The following CTNNA3 variants were observed in gnomAD, a reference collection of about 807,000 sequenced individuals.
CTNNA3 encodes the protein catenin alpha 3.
A neutral mutation model predicts 95.7 loss-of-function variants in CTNNA3; 76 were observed. The ratio of observed to expected loss-of-function variants is 0.79; its 90% CI spans 0.66 to 0.96. The LOEUF (loss-of-function observed/expected upper bound fraction) is 0.96. CTNNA3 is among the 40% of genes least tolerant of loss of function. The pLI, the probability that CTNNA3 is intolerant of heterozygous loss-of-function variation, is 0.00. For synonymous variants in CTNNA3, 431 were observed against 374.4 expected, an observed-to-expected ratio of 1.15 and a Z score of -1.74; for missense variants, 1,191 against 1,089.8, an observed-to-expected ratio of 1.09 and a Z score of -1.31.
chr10:67,379,254 G>C (rs769946100), intron 5 of CTNNA3, among the ~76,000 whole-genome samples: 48 of 152,106 alleles, frequency 3.2e-4, no homozygotes, highest in Non-Finnish European at 6.2e-4. Flanking sequence ...ATAGAAGTAG[G>C]AGTCAGGATG....
At chr10:67,595,685 G>A (rs1265113740) in intron 3 of CTNNA3, among the ~76,000 whole-genome samples, 1 of 152,188 alleles carries the variant, frequency 6.6e-6, no homozygotes, top group African/African-American at 2.4e-5. Flanking sequence ...GAATATCTTT[G>A]TTAGTTTTCT....
rs1055795713 is a variant in CTNNA3, at chr10:66,082,196, T to C, written c.1978-12707A>G. 8.0e-5 allele frequency among the ~76,000 whole-genome samples: 12 copies of C among 150,892 alleles called. No homozygotes were observed. In the South Asian group the frequency reaches 1.3e-3, roughly 16 times the overall value. On this transcript the variant is annotated intron_variant, in intron 14 of 17. Transcript: ENST00000433211. ...CTACAAAGAAAAAAAAAAAACTTAGTTTTTCAGTGGAAAAAGCCAGCAACC... is the reference window on the plus strand; with the variant it reads ...CTACAAAGAAAAAAAAAAAACTTAGCTTTTCAGTGGAAAAAGCCAGCAACC...
chr10:66,707,582 T>C (rs530778264), intron 9 of CTNNA3, among the ~76,000 whole-genome samples: 1 of 152,064 alleles, frequency 6.6e-6, no homozygotes, highest in Admixed American at 6.6e-5. Context: ...TTCTAACATG[T>C]TGGGAGTGCC....
intron 13 of CTNNA3, among the ~76,000 whole-genome samples, chr10:66,176,158 A>G (rs2085700877): frequency 6.6e-6 from 1 of 152,200 alleles, no homozygotes; most frequent in Admixed American, 6.6e-5. Context: ...GTCTGTGTGC[A>G]TGTGTGCACA....
At chr10:66,237,052 C>T (rs774404919) in intron 13 of CTNNA3, among the ~76,000 whole-genome samples, 3 of 152,006 alleles carry the variant, frequency 2.0e-5, no homozygotes, top group Non-Finnish European at 2.9e-5. Context: ...TCACTTCAGC[C>T]CAGGAGTTCA....
chr10:66,605,738 C>A (rs1174478744), intron 10 of CTNNA3, among the ~76,000 whole-genome samples: 1 of 152,094 alleles, frequency 6.6e-6, no homozygotes, highest in Non-Finnish European at 1.5e-5. Flanking sequence ...AAATAAGATC[C>A]TTTTCACACA....
intron 5 of CTNNA3, among the ~76,000 whole-genome samples, chr10:67,335,890 T>TG (rs909631724): frequency 1.2e-3 from 184 of 149,238 alleles, no homozygotes; most frequent in Middle Eastern, 3.5e-3. Context: ...AATAGTGTTT[T>TG]TTTTTTTTTT....
chr10:66,562,001 A>G lies in CTNNA3; in HGVS notation c.1375-41228T>C, dbSNP rs188651597. On this transcript the variant is annotated intron_variant, in intron 10 of 17. Transcript: ENST00000433211. ...GATGGCTCAGAGAAGAGAGAAGATA[A>G]CAGGTGAGAGGTAACAGCTAAGTAT... 1.2e-4 allele frequency among the ~76,000 whole-genome samples: 18 copies of G among 152,212 alleles called. No individual in the cohort carries two copies. The East Asian group carries it at 3.5e-3, about 29-fold the overall frequency.
chr10:67,266,621 G>A (rs1158932247), intron 5 of CTNNA3, among the ~76,000 whole-genome samples: 1 of 152,130 alleles, frequency 6.6e-6, no homozygotes, highest in African/African-American at 2.4e-5. Context: ...GACCCACAGT[G>A]AGTAACTATC....
rs569151343 is a variant in CTNNA3 at position 67,056,634 on chromosome 10, T to G, written c.1047+123683A>C. Among the ~76,000 whole-genome samples the G allele has an allele frequency of 7.9e-5, 12 of 152,192 alleles. No homozygotes were observed. The South Asian group carries it at 1.9e-3, about 24-fold the overall frequency. On this transcript the variant is annotated intron_variant, in intron 7 of 17. Coordinates refer to ENST00000433211, the MANE Select transcript of CTNNA3 (RefSeq NM_013266.4). The stretch of plus-strand genomic sequence containing the variant: ...AGGATAACAATAAGGGCATTCCAAA[T>G]TAAGTGGCGACAGAAAAATAAACAC...
chr10:66,354,477 A>T (rs1022023077), intron 12 of CTNNA3, among the ~76,000 whole-genome samples: 1 of 152,060 alleles, frequency 6.6e-6, no homozygotes, highest in Non-Finnish European at 1.5e-5. Flanking sequence ...AAACAGTTGA[A>T]AATCTGAATT....
intron 7 of CTNNA3, among the ~76,000 whole-genome samples, chr10:66,919,934 C>A (rs139126095): frequency 7.6e-4 from 115 of 152,234 alleles, no homozygotes; most frequent in Non-Finnish European, 1.2e-3. Context: ...AAATCAAATG[C>A]GTCTATTGGT....
At chr10:66,745,375 TG>T (rs2132709958) in intron 9 of CTNNA3, among the ~76,000 whole-genome samples, 1 of 152,318 alleles carries the variant, frequency 6.6e-6, no homozygotes, top group African/African-American at 2.4e-5. Context: ...GCTTATCTGC[TG>T]GTATTAACTC....
intron 9 of CTNNA3, among the ~76,000 whole-genome samples, chr10:66,704,598 G>C (rs1848058396): frequency 6.6e-6 from 1 of 152,056 alleles, no homozygotes; most frequent in South Asian, 2.1e-4. Flanking sequence ...ACTTAAGAAA[G>C]ATATATTTCA....
intron 15 of CTNNA3, among the ~76,000 whole-genome samples, chr10:66,002,148 A>G (rs766908652): frequency 5.3e-5 from 8 of 152,210 alleles, no homozygotes; most frequent in Non-Finnish European, 1.0e-4. Context: ...TAAAAAAGAA[A>G]AAAAGTAGTT....
At chr10:66,751,469 C>T (rs1273098654) in intron 9 of CTNNA3, among the ~76,000 whole-genome samples, 1 of 152,088 alleles carries the variant, frequency 6.6e-6, no homozygotes, top group African/African-American at 2.4e-5. Flanking sequence ...TTTTTCCCAA[C>T]CTAGGACTTT....
chr10:67,699,711 T>C (rs981221687), upstream of CTNNA3, among the ~76,000 whole-genome samples: 48 of 152,316 alleles, frequency 3.2e-4, no homozygotes, highest in African/African-American at 1.1e-3. Flanking sequence ...AGACGGGTGA[T>C]TTCTGCATTT....
At chr10:66,769,276 T>C (rs562720397) in intron 8 of CTNNA3, among the ~76,000 whole-genome samples, 22 of 152,354 alleles carry the variant, frequency 1.4e-4, no homozygotes, top group African/African-American at 5.3e-4. Flanking sequence ...ATCAGTGACT[T>C]GAGCTGGATG....
chr10:66,304,566 T>C (rs1589057458), intron 12 of CTNNA3, among the ~76,000 whole-genome samples: 1 of 152,296 alleles, frequency 6.6e-6, no homozygotes. Flanking sequence ...TATATTTCGA[T>C]ACATTTATAT....
Sources: allele counts gnomAD v4.1 joint callset (sites outside exome capture counted in the v4.1 genomes callset), GRCh38; gene constraint gnomAD v4.1.1; transcripts MANE v1.5; gene names NCBI Gene and HGNC (gene_info 2026-07-23, HGNC 2026-07-21).